FHIT: variants seen among roughly 807,000 people sequenced by gnomAD.
FHIT encodes fragile histidine triad diadenosine triphosphatase, also known as bis(5'-adenosyl)-triphosphatase.
A neutral mutation model predicts 17.9 loss-of-function variants in FHIT; 19 were observed. The ratio of observed to expected loss-of-function variants is 1.06; its 90% CI spans 0.74 to 1.56. FHIT has a LOEUF of 1.56. Among genes scored for constraint, FHIT ranks in the 40% most tolerant of loss-of-function variants. The pLI is 0.00. For missense variants in FHIT, 248 were observed against 189.2 expected, an observed-to-expected ratio of 1.31 and a Z score of -1.82; for synonymous variants, 81 against 69.7, an observed-to-expected ratio of 1.16 and a Z score of -0.81.
In FHIT at chr3:60,710,494, G is replaced by A. The variant is rs367898265; in HGVS notation, c.-18+111425C>T. 2.4e-4 allele frequency among the ~76,000 whole-genome samples: 37 copies of A among 152,350 alleles called. No homozygotes were observed. The East Asian group carries it at 6.0e-3, about 25-fold the overall frequency. On this transcript the variant is annotated intron_variant, in intron 4 of 9. Coordinates refer to ENST00000492590, the MANE Select transcript of FHIT (RefSeq NM_002012.4). Reference sequence around the variant, plus strand: ...CATTGCCTCACTCGGGAAGCGCAAGGGATCAGGGAGTTCCCTTTCCTGCTC... The same window carrying A: ...CATTGCCTCACTCGGGAAGCGCAAGAGATCAGGGAGTTCCCTTTCCTGCTC...
chr3:60,238,009 G>A (rs1002740146), intron 5 of FHIT, among the ~76,000 whole-genome samples: 1 of 152,006 alleles, frequency 6.6e-6, no homozygotes, highest in African/African-American at 2.4e-5. Context: ...AGCCAGGAAT[G>A]GTGGTACATG....
chr3:60,966,540 G>A (rs376439693), intron 3 of FHIT, among the ~76,000 whole-genome samples: 77 of 152,302 alleles, frequency 5.1e-4, no homozygotes, highest in African/African-American at 1.7e-3. Flanking sequence ...GTAGAATGGC[G>A]CTGTTCCTAT....
intron 1 of FHIT, among the ~76,000 whole-genome samples, chr3:61,210,774 C>A (rs1041794558): frequency 6.6e-6 from 1 of 151,926 alleles, no homozygotes; most frequent in Non-Finnish European, 1.5e-5. Flanking sequence ...AATGCCTCGC[C>A]CTGCTTCGGC....
chr3:61,173,617 G>A (rs1560040770), intron 2 of FHIT, among the ~76,000 whole-genome samples: 1 of 152,132 alleles, frequency 6.6e-6, no homozygotes, highest in Non-Finnish European at 1.5e-5. Flanking sequence ...TTCAGCGGAA[G>A]AAAGTTTCAT....
At chr3:60,112,439 G>A (rs1466466764) in intron 5 of FHIT, among the ~76,000 whole-genome samples, 1 of 152,180 alleles carries the variant, frequency 6.6e-6, no homozygotes, top group African/African-American at 2.4e-5. Flanking sequence ...TGCCACTGCT[G>A]CTTCTGCCAT....
chr3:60,209,994 C>T (rs1197381170), intron 5 of FHIT, among the ~76,000 whole-genome samples: 1 of 152,038 alleles, frequency 6.6e-6, no homozygotes, highest in African/African-American at 2.4e-5. Context: ...AGCAAACCAC[C>T]ATGGCACACG....
chr3:60,256,535 G>A (rs1302901153), intron 5 of FHIT, among the ~76,000 whole-genome samples: 2 of 152,194 alleles, frequency 1.3e-5, no homozygotes, highest in African/African-American at 4.8e-5. Context: ...TTTTGTAGAT[G>A]AGCTAACTAA....
intron 3 of FHIT, among the ~76,000 whole-genome samples, chr3:60,998,534 C>A (rs1408712435): frequency 6.6e-6 from 1 of 152,054 alleles, no homozygotes; most frequent in Non-Finnish European, 1.5e-5. Flanking sequence ...CCCCTCCCTA[C>A]CCCTAATTGA....
intron 5 of FHIT, among the ~76,000 whole-genome samples, chr3:60,146,195 A>T (rs1700230451): frequency 6.6e-6 from 1 of 150,458 alleles, no homozygotes; most frequent in Admixed American, 6.7e-5. Flanking sequence ...TTGTGACTTT[A>T]TTTAGGATAG....
intron 5 of FHIT, among the ~76,000 whole-genome samples, chr3:60,134,524 G>C (rs542179544): frequency 1.3e-5 from 2 of 152,302 alleles, no homozygotes; most frequent in South Asian, 2.1e-4. Flanking sequence ...ATAGGTCATA[G>C]ATTGTGAATG....
chr3:59,823,331 G>A (rs1405935866), intron 8 of FHIT, among the ~76,000 whole-genome samples: 1 of 152,188 alleles, frequency 6.6e-6, no homozygotes, highest in Non-Finnish European at 1.5e-5. Flanking sequence ...TGTGAAGAAT[G>A]ATGGTGGTAT....
At chr3:60,999,430 AG>A (rs1303282908) in intron 3 of FHIT, among the ~76,000 whole-genome samples, 1 of 151,082 alleles carries the variant, frequency 6.6e-6, no homozygotes, top group African/African-American at 2.4e-5. Flanking sequence ...ATAACATCCC[AG>A]CTTTTTATTC....
Position 60,435,571 on chromosome 3 carries a change from G to C in FHIT, c.103+101289C>G, listed in dbSNP as rs2030146851. 2.0e-5 allele frequency among the ~76,000 whole-genome samples: 3 copies of C among 152,064 alleles called. No individual in the cohort carries two copies. In the South Asian group the frequency reaches 6.2e-4, roughly 32 times the overall value. On this transcript the variant is annotated intron_variant, in intron 5 of 9. Transcript: ENST00000492590. ...TACCTCCAGGGCACATAAAAGCTTAGGCCTTCTTTTGGTTTCTTTTCAGGG... is the reference window on the plus strand; with the variant it reads ...TACCTCCAGGGCACATAAAAGCTTACGCCTTCTTTTGGTTTCTTTTCAGGG...
intron 1 of FHIT, among the ~76,000 whole-genome samples, chr3:61,233,245 TACAC>T (rs145433582): frequency 6.6e-5 from 10 of 150,942 alleles, no homozygotes; most frequent in Admixed American, 4.0e-4. Context: ...GAGATTTGTG[TACAC>T]ACACACACAC....
intron 5 of FHIT, among the ~76,000 whole-genome samples, chr3:60,165,557 C>A (rs1576235028): frequency 6.6e-6 from 1 of 152,026 alleles, no homozygotes; most frequent in East Asian, 1.9e-4. Flanking sequence ...TGGAAGACCA[C>A]AATATTTTGC....
intron 7 of FHIT, among the ~76,000 whole-genome samples, chr3:59,968,495 T>C (rs1255008822): frequency 6.6e-6 from 1 of 152,068 alleles, no homozygotes; most frequent in African/African-American, 2.4e-5. Context: ...ACCTTCAAGA[T>C]ATCTCTTGCA....
At chr3:60,955,618 A>ATATATATATACG (rs1709104726) in intron 3 of FHIT, among the ~76,000 whole-genome samples, 1 of 14,574 alleles carries the variant, frequency 6.9e-5, no homozygotes, top group Non-Finnish European at 2.1e-4. Flanking sequence ...ATATATATAT[A>ATATATATATACG]TATATATATA....
intron 3 of FHIT, among the ~76,000 whole-genome samples, chr3:60,905,795 A>T (rs1706378520): frequency 6.6e-6 from 1 of 152,188 alleles, no homozygotes; most frequent in Admixed American, 6.5e-5. Flanking sequence ...TATAATGAAG[A>T]CATGAAGGAT....
intron 2 of FHIT, among the ~76,000 whole-genome samples, chr3:61,197,150 G>T (rs1286816210): frequency 1.3e-5 from 2 of 152,104 alleles, no homozygotes; most frequent in African/African-American, 4.8e-5. Context: ...ATCTGTTTAA[G>T]AAATATTCAT....
Sources: gnomAD v4.1 joint callset for allele counts (sites outside exome capture counted in the v4.1 genomes callset) on GRCh38, gnomAD v4.1.1 for gene constraint, MANE v1.5 for transcripts, NCBI Gene and HGNC (gene_info 2026-07-23, HGNC 2026-07-21) for gene names.